Variants in SPATA13 observed in about 807,000 individuals in gnomAD.
SPATA13 encodes the protein spermatogenesis-associated protein 13.
In SPATA13, 50 loss-of-function variants were observed where a neutral mutation model predicts 104.0. The ratio of observed to expected loss-of-function variants is 0.48; its 90% confidence interval spans 0.38 to 0.61. SPATA13 has a LOEUF of 0.61. Ranked by LOEUF, SPATA13 falls within the 20% of genes least tolerant of loss-of-function variation. SPATA13 has a pLI of 0.00. For missense variants in SPATA13, 1,524 were observed against 1,690.6 expected (o/e 0.90, Z 1.73); for synonymous variants, 606 against 667.5 (o/e 0.91, Z 1.42).
intron 3 of SPATA13, among the ~76,000 whole-genome samples, chr13:24,060,555 A>G (rs916656183): frequency 3.9e-5 from 6 of 152,242 alleles, no homozygotes; most frequent in East Asian, 1.9e-4. Flanking sequence ...GCCAAAAGCA[A>G]TTGCAACAAA....
At chr13:24,164,547 C>T (rs896745282) in intron 1 of SPATA13, among the ~76,000 whole-genome samples, 6 of 152,128 alleles carry the variant, frequency 3.9e-5, no homozygotes, top group African/African-American at 1.2e-4. Context: ...GAAGCATTTG[C>T]GTGAGGTATC....
chr13:24,125,251 C>G (rs932126892), intron 3 of SPATA13, among the ~76,000 whole-genome samples: 4 of 152,162 alleles, frequency 2.6e-5, no homozygotes, highest in African/African-American at 9.7e-5. Context: ...AGCAGAGGAG[C>G]CTGGGAGTTG....
At chr13:24,213,516 C>T (rs539241650) in intron 1 of SPATA13, among the ~76,000 whole-genome samples, 80 of 152,280 alleles carry the variant, frequency 5.3e-4, no homozygotes, top group South Asian at 3.1e-3. Flanking sequence ...CCATCTGCCT[C>T]GGCCTCCCAA....
intron 1 of SPATA13, among the ~76,000 whole-genome samples, chr13:24,175,154 C>CG (rs1883163827): frequency 6.6e-6 from 1 of 152,146 alleles, no homozygotes; most frequent in Non-Finnish European, 1.5e-5. Context: ...CTGTAGCTCT[C>CG]TAATCCTTTT....
intron 3 of SPATA13, among the ~76,000 whole-genome samples, chr13:24,099,646 A>G (rs1277279160): frequency 6.6e-6 from 1 of 152,182 alleles, no homozygotes; most frequent in Non-Finnish European, 1.5e-5. Flanking sequence ...ACCTACCAAG[A>G]GGCGGACCAG....
chr13:24,239,249 A>G (rs901545578), intron 2 of SPATA13, among the ~76,000 whole-genome samples: 7 of 152,182 alleles, frequency 4.6e-5, no homozygotes, highest in African/African-American at 1.7e-4. Context: ...TGGAGGAAAT[A>G]GGGACGGGAT....
chr13:24,230,856 C>G (rs1271260593), intron 2 of SPATA13, among the ~76,000 whole-genome samples: 1 of 152,142 alleles, frequency 6.6e-6, no homozygotes, highest in Non-Finnish European at 1.5e-5. Context: ...GGACTTTACT[C>G]TGTAAGTGGT....
chr13:23,983,786 G>T (rs913446871), exon 2 of SPATA13: 6 of 619,686 alleles, frequency 9.7e-6, no homozygotes, highest in Non-Finnish European at 1.2e-5. Context: ...TTCCAGCTAG[G>T]GGTGACCTGT....
At chr13:24,035,524 C>G (rs914146655) in intron 3 of SPATA13, among the ~76,000 whole-genome samples, 1 of 152,208 alleles carries the variant, frequency 6.6e-6, no homozygotes, top group African/African-American at 2.4e-5. Context: ...AGGAGCTTTA[C>G]AGGCCACAAG....
intron 2 of SPATA13, among the ~76,000 whole-genome samples, chr13:24,014,637 G>A (rs570782847): frequency 1.3e-5 from 2 of 152,314 alleles, no homozygotes; most frequent in East Asian, 3.9e-4. Flanking sequence ...TGGTCTGTTA[G>A]TTTGTAACAA....
intron 3 of SPATA13, among the ~76,000 whole-genome samples, chr13:24,056,603 A>G (rs535948590): frequency 1.3e-5 from 2 of 152,316 alleles, no homozygotes; most frequent in East Asian, 3.9e-4. Context: ...AGAGCCCAGC[A>G]CAGTGTCTAG....
intron 1 of SPATA13, among the ~76,000 whole-genome samples, chr13:24,197,992 GTGTTTGTT>G (rs749893612): frequency 9.4e-5 from 13 of 138,984 alleles, no homozygotes; most frequent in South Asian, 2.1e-4. Context: ...CTGTTACCTC[GTGTTTGTT>G]TGTTTGTTTG....
At chr13:24,053,726 G>A (rs1274027764) in intron 3 of SPATA13, among the ~76,000 whole-genome samples, 1 of 152,106 alleles carries the variant, frequency 6.6e-6, no homozygotes, top group African/African-American at 2.4e-5. Context: ...TTTCACTTCT[G>A]TATGATTTTG....
At chr13:24,014,575 A>T (rs1035055998) in intron 2 of SPATA13, among the ~76,000 whole-genome samples, 1 of 152,222 alleles carries the variant, frequency 6.6e-6, no homozygotes, top group Admixed American at 6.5e-5. Context: ...AAGAGAAAAT[A>T]TATTTATTCA....
At chr13:24,023,953 G>C (rs1427441229) in intron 3 of SPATA13, among the ~76,000 whole-genome samples, 1 of 152,196 alleles carries the variant, frequency 6.6e-6, no homozygotes, top group Non-Finnish European at 1.5e-5. Context: ...GCATGTGGAC[G>C]CTAATATCAT....
chr13:24,171,921 C>T (rs1304002454), intron 1 of SPATA13, among the ~76,000 whole-genome samples: 1 of 152,114 alleles, frequency 6.6e-6, no homozygotes, highest in East Asian at 1.9e-4. Context: ...TCTTATTTAT[C>T]AGTGTTTTAA....
intron 3 of SPATA13, among the ~76,000 whole-genome samples, chr13:24,057,553 A>T (rs1056413129): frequency 3.3e-5 from 5 of 152,116 alleles, no homozygotes; most frequent in African/African-American, 1.2e-4. Flanking sequence ...AGGCACTGAA[A>T]GGACTGGTGC....
chr13:24,158,072 G>A (rs890745800), upstream of SPATA13, among the ~76,000 whole-genome samples: 26 of 152,320 alleles, frequency 1.7e-4, no homozygotes, highest in Middle Eastern at 3.4e-3. Flanking sequence ...CAAAAAAAGC[G>A]CGTTAGACTT....
At chr13:23,999,207 A>G (rs1305594727) in intron 2 of SPATA13, among the ~76,000 whole-genome samples, 3 of 152,128 alleles carry the variant, frequency 2.0e-5, no homozygotes, top group African/African-American at 4.8e-5. Context: ...GATTACAGGC[A>G]TGAGCCACTG....
Sources: allele counts gnomAD v4.1 joint callset (sites outside exome capture counted in the v4.1 genomes callset), GRCh38; gene constraint gnomAD v4.1.1; transcripts MANE v1.5; gene names NCBI Gene and HGNC (gene_info 2026-07-23, HGNC 2026-07-21).